The following MECOM variants were observed in gnomAD, a reference collection of about 807,000 sequenced individuals.
The protein encoded by MECOM is histone-lysine N-methyltransferase MECOM.
Under a neutral mutation model 116.3 loss-of-function variants are expected in MECOM, and 13 were observed. The ratio of observed to expected loss-of-function variants is 0.11; its 90% CI spans 0.07 to 0.18. The LOEUF (loss-of-function observed/expected upper bound fraction) is 0.18, where lower values mean the gene tolerates loss of function less well. Ranked by LOEUF, MECOM falls within the 10% of genes least tolerant of loss-of-function variation. MECOM has a pLI of 1.00. For missense variants in MECOM, 1,299 were observed against 1,509.0 expected, an observed-to-expected ratio of 0.86 and a Z score of 2.31; for synonymous variants, 528 against 535.2, an observed-to-expected ratio of 0.99 and a Z score of 0.19.
chr3:169,464,272 C>G (rs1361050807), intron 1 of MECOM: 1 of 152,110 alleles, frequency 6.6e-6, no homozygotes, highest in Non-Finnish European at 1.5e-5. Context: ...CATTTCAAAA[C>G]AGTTGTCTGT....
chr3:169,501,158 A>G (rs1453894974), intron 1 of MECOM, among the ~76,000 whole-genome samples: 2 of 152,034 alleles, frequency 1.3e-5, no homozygotes, highest in East Asian at 1.9e-4. Flanking sequence ...CAGATTTCCA[A>G]CTATAACAGG....
chr3:169,219,502 G>C (rs533061135), intron 2 of MECOM, among the ~76,000 whole-genome samples: 1 of 152,080 alleles, frequency 6.6e-6, no homozygotes, highest in Non-Finnish European at 1.5e-5. Flanking sequence ...GCGAGACTCC[G>C]TCTTAAAAAC....
intron 2 of MECOM, among the ~76,000 whole-genome samples, chr3:169,346,998 G>A (rs898133994): frequency 6.6e-6 from 1 of 152,036 alleles, no homozygotes; most frequent in African/African-American, 2.4e-5. Context: ...ACAAATTATG[G>A]TATATCCATT....
chr3:169,644,711 C>G (rs1773938976), intron 1 of MECOM, among the ~76,000 whole-genome samples: 1 of 152,122 alleles, frequency 6.6e-6, no homozygotes, highest in Non-Finnish European at 1.5e-5. Flanking sequence ...AATTATAAAA[C>G]TCAAGTGATC....
intron 1 of MECOM, among the ~76,000 whole-genome samples, chr3:169,640,182 AT>A (rs1773290622): frequency 1.9e-5 from 1 of 52,432 alleles, no homozygotes; most frequent in Non-Finnish European, 3.9e-5. Flanking sequence ...AAAAAAATTA[AT>A]ATTTTATATG....
intron 1 of MECOM, chr3:169,566,005 A>C (rs1252838538): frequency 2.3e-6 from 1 of 435,590 alleles, no homozygotes; most frequent in East Asian, 7.4e-5. Flanking sequence ...GGAAACTTAC[A>C]ATTGTGGTGG....
intron 1 of MECOM, among the ~76,000 whole-genome samples, chr3:169,442,945 A>G (rs1380068197): frequency 2.0e-5 from 3 of 152,210 alleles, no homozygotes; most frequent in African/African-American, 7.2e-5. Context: ...ACACTTCCAC[A>G]GAACCTAGTC....
chr3:169,314,276 T>C (rs1476336576), intron 2 of MECOM, among the ~76,000 whole-genome samples: 1 of 152,242 alleles, frequency 6.6e-6, no homozygotes, highest in Admixed American at 6.5e-5. Context: ...CCAAAATTGC[T>C]GCACAATGCC....
At chr3:169,575,872 A>G (rs1366508106) in intron 1 of MECOM, among the ~76,000 whole-genome samples, 1 of 133,834 alleles carries the variant, frequency 7.5e-6, no homozygotes, top group Admixed American at 7.7e-5. Context: ...CTTAAGAGTT[A>G]AAAAAAAAAC....
Position 169,138,934 on chromosome 3 carries a change from C to A in MECOM, c.510+4764G>T, listed in dbSNP as rs146261820. 1.0e-3 allele frequency among the ~76,000 whole-genome samples: 157 copies of A among 152,148 alleles called. 1 individual carries two copies. Among genetic ancestry groups the A allele is most frequent in the African/African-American group, 3.7e-3 (152 of 41,512 alleles). ...AATGCTGTTCTAGTGTCACAGCAGT[C>A]TGATATAATCATTCACGTGGACCTA... On this transcript the variant is annotated intron_variant, in intron 3 of 16. Transcript: ENST00000651503.
At chr3:169,499,089 T>A (rs574949195) in intron 1 of MECOM, among the ~76,000 whole-genome samples, 2 of 151,868 alleles carry the variant, frequency 1.3e-5, no homozygotes, top group African/African-American at 2.4e-5. Flanking sequence ...TAAAACTATA[T>A]ACATATGAGT....
intron 2 of MECOM, among the ~76,000 whole-genome samples, chr3:169,304,804 C>T (rs1444085759): frequency 1.3e-5 from 2 of 152,172 alleles, no homozygotes; most frequent in East Asian, 1.9e-4. Flanking sequence ...TTAACTTCCT[C>T]TGTTTTGTCT....
chr3:169,504,549 A>G (rs1754966371), intron 1 of MECOM, among the ~76,000 whole-genome samples: 1 of 152,170 alleles, frequency 6.6e-6, no homozygotes, highest in African/African-American at 2.4e-5. Flanking sequence ...ACATTATTGA[A>G]AAGAGCTCAT....
At chr3:169,330,184 A>G (rs147996719) in intron 2 of MECOM, among the ~76,000 whole-genome samples, 1 of 152,128 alleles carries the variant, frequency 6.6e-6, no homozygotes, top group Non-Finnish European at 1.5e-5. Context: ...TGCCACCACG[A>G]CCAGCTAATT....
rs775802949 is a variant in MECOM at position 169,277,427 on chromosome 3, G to GT, written c.375+103759dup. 2.6e-5 allele frequency among the ~76,000 whole-genome samples: 4 copies of GT among 152,254 alleles called. No individual in the cohort carries two copies. The South Asian group carries it at 8.3e-4, about 32-fold the overall frequency. On this transcript the variant is annotated intron_variant, in intron 2 of 16. Coordinates refer to ENST00000651503, the MANE Select transcript of MECOM (RefSeq NM_004991.4). ...CTAATTCTTCTGTTTCTATGCAGAA[G>GT]TTTTTTTCAGATAAATCTTAATGTA...
At chr3:169,425,622 A>G (rs531375601) in intron 1 of MECOM, among the ~76,000 whole-genome samples, 1 of 152,282 alleles carries the variant, frequency 6.6e-6, no homozygotes. Context: ...CAGCTGAGGA[A>G]ACAAAGGTTT....
chr3:169,546,177 A>G (rs1760701208), intron 1 of MECOM, among the ~76,000 whole-genome samples: 2 of 152,170 alleles, frequency 1.3e-5, no homozygotes, highest in Admixed American at 1.3e-4. Context: ...AAAATTGTAT[A>G]TATAAGAGCC....
At chr3:169,542,673 A>C (rs1760233072) in intron 1 of MECOM, among the ~76,000 whole-genome samples, 1 of 152,228 alleles carries the variant, frequency 6.6e-6, no homozygotes, top group South Asian at 2.1e-4. Flanking sequence ...TTATGAAAAC[A>C]TTCAAACAAT....
chr3:169,105,002 G>C (rs959025735), intron 10 of MECOM, among the ~76,000 whole-genome samples: 1 of 152,038 alleles, frequency 6.6e-6, no homozygotes, highest in Non-Finnish European at 1.5e-5. Context: ...TTTGGCTTCT[G>C]GTGTCAAATG....
Sources: allele counts gnomAD v4.1 joint callset (sites outside exome capture counted in the v4.1 genomes callset), GRCh38; gene constraint gnomAD v4.1.1; transcripts MANE v1.5; gene names NCBI Gene and HGNC (gene_info 2026-07-23, HGNC 2026-07-21).